SEZ6: variants seen among roughly 807,000 people sequenced by gnomAD.
SEZ6 encodes the protein seizure protein 6 homolog.
Under a neutral mutation model 101.0 loss-of-function variants are expected in SEZ6, and 53 were observed. The observed-to-expected ratio is 0.52, with a 90% CI of 0.42 to 0.66. SEZ6 has a LOEUF of 0.66. Among genes scored for constraint, SEZ6 ranks in the 30% least tolerant of loss-of-function variants. The pLI is 0.00. For missense variants in SEZ6, 1,102 were observed against 1,289.4 expected, an observed-to-expected ratio of 0.85 and a Z score of 2.23; for synonymous variants, 488 against 512.2, an observed-to-expected ratio of 0.95 and a Z score of 0.64.
At chr17:28,974,449 C>T (rs1489236332) in intron 3 of SEZ6, among the ~76,000 whole-genome samples, 1 of 152,242 alleles carries the variant, frequency 6.6e-6, no homozygotes, top group East Asian at 1.9e-4. Flanking sequence ...CCCGTGCTCC[C>T]TCACAGCAAC....
intron 1 of SEZ6, among the ~76,000 whole-genome samples, chr17:29,003,264 C>A (rs772882592): frequency 1.3e-5 from 2 of 152,240 alleles, no homozygotes; most frequent in African/African-American, 4.8e-5. Context: ...GCCCAGGCAC[C>A]CCACACAGCT....
At chr17:28,983,024 A>G (rs1487297171) in intron 1 of SEZ6, among the ~76,000 whole-genome samples, 1 of 152,110 alleles carries the variant, frequency 6.6e-6, no homozygotes, top group East Asian at 1.9e-4. Context: ...TCAGGAAATC[A>G]TTTCTTTTGT....
At chr17:28,978,097 A>T (rs2041249352) in intron 3 of SEZ6, among the ~76,000 whole-genome samples, 5 of 152,156 alleles carry the variant, frequency 3.3e-5, no homozygotes, top group Admixed American at 3.3e-4. Flanking sequence ...CTGCCCCAAG[A>T]TAGGTCTAGA....
chr17:29,004,609 C>T (rs1468663439), intron 1 of SEZ6, among the ~76,000 whole-genome samples: 1 of 152,200 alleles, frequency 6.6e-6, no homozygotes, highest in Non-Finnish European at 1.5e-5. Flanking sequence ...TGTCCCTGGC[C>T]GCGCTGCCTT....
chr17:28,986,173 T>TG (rs2041380268), intron 1 of SEZ6, among the ~76,000 whole-genome samples: 1 of 152,164 alleles, frequency 6.6e-6, no homozygotes. Flanking sequence ...TTAGACGAAA[T>TG]GAAAAAAGGC....
In SEZ6 at chr17:28,987,989, C is replaced by T. The variant is rs569589587; in HGVS notation, c.56-5950G>A. 5.5e-4 allele frequency among the ~76,000 whole-genome samples: 84 copies of T among 152,290 alleles called. No homozygotes were observed. In the South Asian group the frequency reaches 0.013, roughly 24 times the overall value. On this transcript the variant is annotated intron_variant, in intron 1 of 16. Transcript: ENST00000317338. ...ACCAAGCTGGACACCACTATCCTAG[C>T]GCACTCGTGCCAGGAGCCCTGCAGC...
chr17:28,956,462 T>G lies in SEZ6; in HGVS notation c.2737A>C (p.Lys913Gln), dbSNP rs756040711. The G allele has an allele frequency of 3.9e-6, 6 of 1,553,134 alleles. No homozygotes were observed. The East Asian group carries it at 1.2e-4, about 31-fold the overall frequency. The change falls in exon 15 of 17, where the codon AAG becomes CAG. Residue 913 changes from lysine to glutamine, a missense_variant. By Grantham distance (53) the Lys-to-Gln change is moderately conservative. Around this residue, in one of 3 missense-constraint regions of SEZ6, gnomAD observed 140 missense variants for 135.7 expected, o/e 1.03. Transcript: ENST00000317338. ...FYNSRSLDVA[K>Q]APAASSTLDA... Reference sequence around the variant, plus strand: ...AGGGTGCTGGAGGCAGCAGGTGCCTTGGCAACTGAAGACACAGAGGGTGTG... The same window carrying G: ...AGGGTGCTGGAGGCAGCAGGTGCCTGGGCAACTGAAGACACAGAGGGTGTG...
At chr17:28,973,986 T>C (rs1465376997) in intron 3 of SEZ6, among the ~76,000 whole-genome samples, 1 of 152,150 alleles carries the variant, frequency 6.6e-6, no homozygotes, top group East Asian at 1.9e-4. Flanking sequence ...ATACAGCCAC[T>C]TTGAGAGGCT....
chr17:28,966,356 G>T (rs1051365707), intron 4 of SEZ6, among the ~76,000 whole-genome samples: 1 of 151,160 alleles, frequency 6.6e-6, no homozygotes, highest in Non-Finnish European at 1.5e-5. Flanking sequence ...GGTGGCACGC[G>T]CCTGTAGTCC....
In SEZ6 at chr17:28,956,411, T is replaced by C. The variant is rs763606783; in HGVS notation, c.2788A>G (p.Ile930Val). The C allele has an allele frequency of 3.8e-6, 6 of 1,569,314 alleles. No individual in the cohort carries two copies. In the South Asian group the frequency reaches 4.7e-5, roughly 12 times the overall value. Residue 930 changes from isoleucine to valine, a missense_variant, in exon 15 of 17, where the codon ATC becomes GTC. Physicochemically the swap from Ile to Val is conservative, Grantham distance 29 (BLOSUM62 3). Around this residue, in one of 3 missense-constraint regions of SEZ6, gnomAD observed 140 missense variants for 135.7 expected, o/e 1.03. Coordinates refer to ENST00000317338, the MANE Select transcript of SEZ6 (RefSeq NM_178860.5). ...TLDAAHIAAAIFLPLVAMVLL... is the reference protein window; with the variant it reads ...TLDAAHIAAAVFLPLVAMVLL... ...ACCATCGCCACCAGTGGCAAGAAGATGGCAGCTGCAATGTGGGCAGCATCC... is the reference window on the plus strand; with the variant it reads ...ACCATCGCCACCAGTGGCAAGAAGACGGCAGCTGCAATGTGGGCAGCATCC...
Position 28,957,400 on chromosome 17 carries a change from A to C in SEZ6, c.2442T>G (p.His814Gln). The change falls in exon 12 of 17, where the codon CAT becomes CAG. Residue 814 changes from histidine (H) to glutamine (Q), a missense_variant. Transcript: ENST00000317338. ...VLMGSSILTC[H>Q]DRQAGSPKWS... ...ACTTGGGGCTGCCAGCCTGGCGATCATGGCAGGTGAGGATGGAGCTGCCCA... is the reference window on the plus strand; with the variant it reads ...ACTTGGGGCTGCCAGCCTGGCGATCCTGGCAGGTGAGGATGGAGCTGCCCA... The C allele has an allele frequency of 6.2e-7, 1 of 1,613,774 alleles. No individual in the cohort carries two copies. Among genetic ancestry groups the C allele is most frequent in the South Asian group, 1.1e-5 (1 of 91,052 alleles).
rs1194037417 is a variant in SEZ6, at chr17:28,959,753, G to A, written c.1716C>T (p.Ile572=). 13 of 1,612,328 alleles carry A rather than the reference G, an allele frequency of 8.1e-6. No homozygotes were observed. Among genetic ancestry groups the A allele is most frequent in the East Asian group, 4.5e-5 (2 of 44,884 alleles). The stretch of plus-strand genomic sequence containing the variant: ...GGGGGTCGTGGGGGTCAACACACTC[G>A]ATGATGATGGAGCCCTGCTCCAGGG... ...GYTLEQGSII[I]ECVDPHDPQW... The change falls in exon 8 of 17, where the codon ATC becomes ATT. Residue 572 remains isoleucine (I), a synonymous_variant. Transcript: ENST00000317338. This position sits in a 1 kb window ranked among gnomAD's most constrained non-coding sequence, Gnocchi z 4.4.
At chr17:29,002,617 A>G (rs1414518122) in intron 1 of SEZ6, among the ~76,000 whole-genome samples, 4 of 152,136 alleles carry the variant, frequency 2.6e-5, no homozygotes, top group Non-Finnish European at 5.9e-5. Context: ...GTTTCTGAAC[A>G]GAATCTGGAC....
chr17:28,959,037 T>C lies in SEZ6; in HGVS notation c.2095A>G (p.Ile699Val), dbSNP rs2040929381. 2 of 1,612,380 alleles carry C rather than the reference T, an allele frequency of 1.2e-6. No individual in the cohort carries two copies. Among genetic ancestry groups the C allele is most frequent in the African/African-American group, 1.3e-5 (1 of 74,992 alleles). The stretch of plus-strand genomic sequence containing the variant: ...GGGACAAGCTCACCAAAGAAGTGGA[T>C]GACGAAGCCCTGCTGGTAGCCCAGC... ...SVLGYQQGFV[I>V]HFFEVPRNDT... Residue 699 changes from isoleucine (I) to valine (V), a missense_variant, in exon 10 of 17, where the codon ATC (isoleucine) becomes GTC (valine). Physicochemically the swap from Ile to Val is conservative, Grantham distance 29. Around this residue, in one of 3 missense-constraint regions of SEZ6, gnomAD observed 556 missense variants for 735.1 expected, o/e 0.76. Coordinates refer to ENST00000317338, the MANE Select transcript of SEZ6 (RefSeq NM_178860.5). This position sits in a 1 kb window ranked among gnomAD's most constrained non-coding sequence, Gnocchi z 4.4.
At chr17:28,996,020 T>C (rs1240649105) in intron 1 of SEZ6, among the ~76,000 whole-genome samples, 2 of 151,718 alleles carry the variant, frequency 1.3e-5, no homozygotes, top group African/African-American at 2.4e-5. Context: ...CTTTTTTTTT[T>C]TGGAGATGGA....
At chr17:28,979,925 G>GTGTGTGTGTGTGTGT in intron 2 of SEZ6, 112 bp from the exon 3 acceptor site, 1 of 1,079,088 alleles carries the variant, frequency 9.3e-7, no homozygotes. Flanking sequence ...GTGTGTGTGT[G>GTGTGTGTGTGTGTGT]GTGAAGACCA....
intron 1 of SEZ6, among the ~76,000 whole-genome samples, chr17:28,993,465 C>T (rs1232818119): frequency 6.6e-6 from 1 of 152,212 alleles, no homozygotes; most frequent in African/African-American, 2.4e-5. Flanking sequence ...ACCATATCAG[C>T]AGCAGAGACC....
At chr17:28,967,699 T>C (rs1157613687) in intron 4 of SEZ6, among the ~76,000 whole-genome samples, 1 of 152,102 alleles carries the variant, frequency 6.6e-6, no homozygotes, top group East Asian at 1.9e-4. Context: ...TGAGTTCTTA[T>C]CACCACTCTA....
rs138286907 is a variant in SEZ6, at chr17:28,962,210, A to G, written c.1241-1237T>C. 3.5e-4 allele frequency among the ~76,000 whole-genome samples: 54 copies of G among 152,290 alleles called. No individual in the cohort carries two copies. The East Asian group carries it at 9.3e-3, about 26-fold the overall frequency. Reference sequence around the variant, plus strand: ...CTATTTCATGCCTGCACATCTCTGCATATGCAGTTCCAGGAACCCACCCCA... The same window carrying G: ...CTATTTCATGCCTGCACATCTCTGCGTATGCAGTTCCAGGAACCCACCCCA... On this transcript the variant is annotated intron_variant, in intron 5 of 16. Transcript: ENST00000317338.
Sources: gnomAD v4.1 joint callset for allele counts (sites outside exome capture counted in the v4.1 genomes callset) on GRCh38, gnomAD v4.1.1 for gene constraint, gnomAD v4.1.1 regional missense constraint, Gnocchi (gnomAD v3.1) non-coding constraint, MANE v1.5 for transcripts, NCBI Gene and HGNC (gene_info 2026-07-23, HGNC 2026-07-21) for gene names.